ROCK1: variants seen among roughly 807,000 people sequenced by gnomAD.
ROCK1 encodes rho-associated protein kinase 1.
ROCK1 carries 36 observed loss-of-function variants against 196.8 expected under a neutral mutation model. The observed-to-expected ratio is 0.18, with a 90% confidence interval of 0.14 to 0.24. ROCK1 has a LOEUF of 0.24. Ranked by LOEUF, ROCK1 falls within the 10% of genes least tolerant of loss-of-function variation. The probability of loss-of-function intolerance (pLI) is 1.00; values close to 1 mark genes in which losing one functional copy is unlikely to be tolerated. For missense variants in ROCK1, 920 were observed against 1,562.0 expected (o/e 0.59, Z 6.93); for synonymous variants, 443 against 515.9 (o/e 0.86, Z 1.91).
At chr18:20,988,996 G>A (rs1023776701) in intron 18 of ROCK1, among the ~76,000 whole-genome samples, 1 of 152,124 alleles carries the variant, frequency 6.6e-6, no homozygotes, top group Non-Finnish European at 1.5e-5. Context: ...AAAGTGTAGG[G>A]TAGTAAGATT....
chr18:21,001,231 T>A (rs2035721327), intron 16 of ROCK1, among the ~76,000 whole-genome samples: 1 of 152,158 alleles, frequency 6.6e-6, no homozygotes, highest in South Asian at 2.1e-4. Context: ...ACGGGTAAAT[T>A]CAGAGACAGA....
intron 16 of ROCK1, among the ~76,000 whole-genome samples, chr18:20,997,329 A>G (rs914043651): frequency 2.0e-5 from 3 of 152,188 alleles, no homozygotes; most frequent in Non-Finnish European, 4.4e-5. Context: ...AAAACAAAAA[A>G]AGAGCAGTAG....
chr18:21,078,341 TACACACAC>T (rs59499705), intron 1 of ROCK1, among the ~76,000 whole-genome samples: 21 of 128,784 alleles, frequency 1.6e-4, no homozygotes, highest in Non-Finnish European at 2.6e-4. Context: ...AACACCCACC[TACACACAC>T]ACACACACAC....
rs558703112 is a variant in ROCK1 at position 21,039,455 on chromosome 18, GA to G, written c.1051+16del. 1.5e-3 allele frequency: 1,954 copies of G among 1,265,338 alleles called. No individual in the cohort carries two copies. The highest frequency in any genetic ancestry group is 1.7e-3 in the Non-Finnish European group (1,574 of 921,328). The allele number at this position is 1,265,338 out of a possible 1,614,324, so 78.4% of individuals were successfully genotyped here. On this transcript the variant is annotated intron_variant, in intron 9 of 32. Transcript: ENST00000399799. ...TTCAAATATTCACTAAAATATGAAA[GA>G]AAAAAAAAAACTTACTGTCTCGGAG...
intron 1 of ROCK1, among the ~76,000 whole-genome samples, chr18:21,077,548 G>A (rs1427429147): frequency 6.6e-6 from 1 of 152,160 alleles, no homozygotes; most frequent in African/African-American, 2.4e-5. Flanking sequence ...GGGGAGTAGG[G>A]AGGACTAATG....
chr18:20,961,274 G>C (rs1329380877), intron 27 of ROCK1, among the ~76,000 whole-genome samples: 2 of 151,954 alleles, frequency 1.3e-5, no homozygotes, highest in Non-Finnish European at 2.9e-5. Flanking sequence ...TAATCCTAAG[G>C]CAATATATTG....
chr18:20,959,059 ATATTT>A (rs1163155982), intron 29 of ROCK1, among the ~76,000 whole-genome samples: 2 of 54,224 alleles, frequency 3.7e-5, no homozygotes, highest in Non-Finnish European at 5.5e-5. Context: ...TATATATATT[ATATTT>A]TATATTATAT....
At chr18:21,088,352 G>A (rs906284094) in intron 1 of ROCK1, among the ~76,000 whole-genome samples, 3 of 151,966 alleles carry the variant, frequency 2.0e-5, no homozygotes, top group African/African-American at 4.8e-5. Flanking sequence ...AAAAATTAGC[G>A]GGGCATCGAG....
chr18:20,990,511 T>C (rs1035026254), intron 18 of ROCK1, among the ~76,000 whole-genome samples: 4 of 151,206 alleles, frequency 2.6e-5, no homozygotes, highest in Non-Finnish European at 4.4e-5. Flanking sequence ...CTGTCCAACA[T>C]AGTGAAACGC....
intron 2 of ROCK1, among the ~76,000 whole-genome samples, chr18:21,067,208 A>G (rs1448664752): frequency 2.0e-5 from 3 of 152,038 alleles, no homozygotes; most frequent in Non-Finnish European, 4.4e-5. Context: ...TTTACTGGCC[A>G]TTTTTACATC....
chr18:20,984,305 T>C lies in ROCK1; in HGVS notation c.2489+46A>G, dbSNP rs1291557177. ...AAATGTCAAACACACAAGTCAATGA[T>C]GAACACAAAAAAGAAAGAAATCACA... On this transcript the variant is annotated intron_variant, in intron 20 of 32. Transcript: ENST00000399799. The C allele has an allele frequency of 2.1e-6, 3 of 1,410,216 alleles. No individual in the cohort carries two copies. In the East Asian group the frequency reaches 6.8e-5, roughly 32 times the overall value. 87.4% of individuals were successfully genotyped at this position (1,410,216 alleles called of 1,614,324 possible).
intron 2 of ROCK1, among the ~76,000 whole-genome samples, chr18:21,060,617 A>G (rs1045430713): frequency 2.6e-5 from 4 of 152,174 alleles, no homozygotes; most frequent in African/African-American, 9.7e-5. Flanking sequence ...AGGCAGACAG[A>G]GCACCTGAGG....
chr18:21,046,917 G>C (rs1417549683), intron 4 of ROCK1, among the ~76,000 whole-genome samples: 2 of 151,976 alleles, frequency 1.3e-5, no homozygotes, highest in Admixed American at 6.6e-5. Context: ...TGATCTTCCT[G>C]TCTCAGCCTC....
chr18:20,981,606 A>G (rs2035534181), intron 21 of ROCK1, among the ~76,000 whole-genome samples: 1 of 152,076 alleles, frequency 6.6e-6, no homozygotes, highest in Non-Finnish European at 1.5e-5. Flanking sequence ...CTTTTTAACT[A>G]CCCTCTTCAT....
intron 1 of ROCK1, among the ~76,000 whole-genome samples, chr18:21,109,974 A>T (rs2036735886): frequency 6.6e-6 from 1 of 152,108 alleles, no homozygotes; most frequent in Non-Finnish European, 1.5e-5. Context: ...ATATTATATA[A>T]CCCTTAGTTG....
chr18:21,055,123 T>C (rs2036236147), intron 2 of ROCK1, among the ~76,000 whole-genome samples: 1 of 152,232 alleles, frequency 6.6e-6, no homozygotes, highest in South Asian at 2.1e-4. Flanking sequence ...TGCCTCACTT[T>C]ACTTAGTTTG....
chr18:20,984,321 A>T (rs1321276950), intron 20 of ROCK1, 30 bp downstream of exon 20: 1 of 1,521,088 alleles, frequency 6.6e-7, no homozygotes, highest in African/African-American at 1.4e-5. Flanking sequence ...CAAAAAAGAA[A>T]GAAATCACAA....
At position 20,970,943 on chromosome 18, in the gene ROCK1, C is replaced by T. The variant is rs184380263; in HGVS notation, c.2655-430G>A. On this transcript the variant is annotated intron_variant, in intron 22 of 32. Coordinates refer to ENST00000399799, the MANE Select transcript of ROCK1 (RefSeq NM_005406.3). ...CAAGTCCCTTACACTTCCTGCAGTTCAGTTTCATCAAATCTGTAAAATGAG... is the reference window on the plus strand; with the variant it reads ...CAAGTCCCTTACACTTCCTGCAGTTTAGTTTCATCAAATCTGTAAAATGAG... 2.0e-5 allele frequency among the ~76,000 whole-genome samples: 3 copies of T among 152,088 alleles called. No individual in the cohort carries two copies. The East Asian group carries it at 5.9e-4, about 30-fold the overall frequency.
At chr18:21,027,704 T>C (rs1352020546) in intron 10 of ROCK1, among the ~76,000 whole-genome samples, 1 of 150,572 alleles carries the variant, frequency 6.6e-6, no homozygotes, top group Non-Finnish European at 1.5e-5. Context: ...GTGGAGGTAA[T>C]ACTACATTTT....
Sources: gnomAD v4.1 joint callset for allele counts (sites outside exome capture counted in the v4.1 genomes callset) on GRCh38, gnomAD v4.1.1 for gene constraint, MANE v1.5 for transcripts, NCBI Gene and HGNC (gene_info 2026-07-23, HGNC 2026-07-21) for gene names.